NALF1: variants seen among roughly 807,000 people sequenced by gnomAD.
NALF1 encodes the protein NALCN channel auxiliary factor 1, also known as family with sequence similarity 155 member A.
Under a neutral mutation model 48.4 loss-of-function variants are expected in NALF1, and 3 were observed. The observed-to-expected ratio is 0.06, with a 90% CI of 0.03 to 0.16. NALF1 has a LOEUF of 0.16. NALF1 is among the 10% of genes least tolerant of loss of function. The pLI is 1.00. For missense variants in NALF1, 526 were observed against 571.5 expected (o/e 0.92, Z 0.81); for synonymous variants, 262 against 245.7 (o/e 1.07, Z -0.62).
At position 107,792,953 on chromosome 13, in the gene NALF1, G is replaced by A. The variant is rs145333372; in HGVS notation, c.915+72729C>T. On this transcript the variant is annotated intron_variant, in intron 1 of 2. Transcript: ENST00000375915. ...CTCCCAAAGCACTAGGATTACAGGC[G>A]TGAACCACTGAGCCTGGCCTCTTTT... Among the ~76,000 whole-genome samples the A allele has an allele frequency of 5.5e-3, 841 of 152,246 alleles. 8 individuals are homozygous for A. Among genetic ancestry groups the A allele is most frequent in the African/African-American group, 0.019 (795 of 41,546 alleles).
intron 1 of NALF1, among the ~76,000 whole-genome samples, chr13:107,472,925 G>A (rs1367847427): frequency 6.6e-6 from 1 of 152,062 alleles, no homozygotes; most frequent in African/African-American, 2.4e-5. Context: ...GACTAATACT[G>A]GGGAGAAACA....
intron 1 of NALF1, among the ~76,000 whole-genome samples, chr13:107,328,424 T>C (rs1882407421): frequency 6.6e-6 from 1 of 152,222 alleles, no homozygotes; most frequent in Admixed American, 6.5e-5. Context: ...TCTTGTACTT[T>C]GTTCAAATTA....
At chr13:107,611,733 GA>G (rs537161679) in intron 1 of NALF1, among the ~76,000 whole-genome samples, 1 of 150,578 alleles carries the variant, frequency 6.6e-6, no homozygotes, top group African/African-American at 2.4e-5. Flanking sequence ...GTAAAAAGAA[GA>G]AAAAAAAGCA....
chr13:107,458,738 G>A (rs916479946), intron 1 of NALF1, among the ~76,000 whole-genome samples: 5 of 152,138 alleles, frequency 3.3e-5, no homozygotes, highest in African/African-American at 7.2e-5. Context: ...GCAGAAACAT[G>A]TATATGGAGA....
At chr13:107,843,282 G>GT (rs1334314163) in intron 1 of NALF1, among the ~76,000 whole-genome samples, 2 of 152,294 alleles carry the variant, frequency 1.3e-5, no homozygotes, top group East Asian at 3.9e-4. Flanking sequence ...AAGCAACTGA[G>GT]TATCAGAAAA....
chr13:107,612,582 A>G (rs1240986539), intron 1 of NALF1, among the ~76,000 whole-genome samples: 3 of 152,132 alleles, frequency 2.0e-5, no homozygotes, highest in Non-Finnish European at 4.4e-5. Flanking sequence ...CGATCAGTTG[A>G]AGATCTCAAT....
chr13:107,590,251 AATTTT>A (rs1242478742), intron 1 of NALF1, among the ~76,000 whole-genome samples: 1 of 152,012 alleles, frequency 6.6e-6, no homozygotes, highest in Non-Finnish European at 1.5e-5. Flanking sequence ...GCAAAATATT[AATTTT>A]ATTTCTATAA....
At chr13:107,430,002 C>T (rs9587389) in intron 1 of NALF1, among the ~76,000 whole-genome samples, 32,332 of 152,164 alleles carry the variant, frequency 0.21, 3,911 homozygotes, top group Middle Eastern at 0.27. Flanking sequence ...CTTTCCTATA[C>T]AAGAGCTGAT....
intron 1 of NALF1, among the ~76,000 whole-genome samples, chr13:107,488,573 TC>T (rs1405167526): frequency 1.3e-5 from 2 of 152,074 alleles, no homozygotes; most frequent in Non-Finnish European, 2.9e-5. Context: ...ATATTCAACA[TC>T]CCTTTATGTT....
chr13:107,337,464 C>G (rs1882582367), intron 1 of NALF1, among the ~76,000 whole-genome samples: 1 of 152,018 alleles, frequency 6.6e-6, no homozygotes, highest in African/African-American at 2.4e-5. Flanking sequence ...TATTTTGGGG[C>G]TCCTTATTGA....
chr13:107,780,851 C>G (rs1323638719), intron 1 of NALF1, among the ~76,000 whole-genome samples: 2 of 152,192 alleles, frequency 1.3e-5, no homozygotes, highest in Non-Finnish European at 2.9e-5. Context: ...GGGCCCCCAA[C>G]TGACTTCATA....
chr13:107,393,534 G>A (rs899404108), intron 1 of NALF1, among the ~76,000 whole-genome samples: 8 of 152,132 alleles, frequency 5.3e-5, no homozygotes, highest in African/African-American at 1.7e-4. Context: ...ATTTCCTCAT[G>A]GGGAAGGAGA....
At chr13:107,586,724 C>T (rs909423954) in intron 1 of NALF1, among the ~76,000 whole-genome samples, 13 of 135,376 alleles carry the variant, frequency 9.6e-5, no homozygotes, top group African/African-American at 3.4e-4. Flanking sequence ...TAAGGGACTA[C>T]CAGATCTCCA....
At chr13:107,325,888 A>ATATG (rs1566485854) in intron 1 of NALF1, among the ~76,000 whole-genome samples, 3 of 39,196 alleles carry the variant, frequency 7.7e-5, no homozygotes, top group African/African-American at 1.7e-4. Flanking sequence ...ATATATATAT[A>ATATG]CACACACACA....
At chr13:107,588,394 G>C (rs1411793511) in intron 1 of NALF1, among the ~76,000 whole-genome samples, 2 of 152,116 alleles carry the variant, frequency 1.3e-5, no homozygotes, top group African/African-American at 4.8e-5. Flanking sequence ...TGGATATCTA[G>C]AGGCCCTAAA....
intron 1 of NALF1, among the ~76,000 whole-genome samples, chr13:107,794,714 C>G (rs1465944692): frequency 6.6e-6 from 1 of 150,446 alleles, no homozygotes; most frequent in African/African-American, 2.4e-5. Flanking sequence ...AACTCTATTA[C>G]AGGATCATTG....
chr13:107,689,942 T>C (rs1208627075), intron 1 of NALF1, among the ~76,000 whole-genome samples: 1 of 152,228 alleles, frequency 6.6e-6, no homozygotes, highest in Non-Finnish European at 1.5e-5. Flanking sequence ...ACCTTTTTTA[T>C]GTAATTACCA....
In NALF1 at chr13:107,865,886, C is replaced by T. The variant is rs1486062572; in HGVS notation, c.711G>A (p.Gly237=). ...AGTTCAAAGTGTTGGGACTGGACAA[C>T]CCCGAGAACAACTCCCAAAGTGTGT... ...NSYTLWELFS[G]LSSPNTLNCS... The change falls in exon 1 of 3, where the codon GGG becomes GGA. Residue 237 remains glycine, a synonymous_variant. Transcript: ENST00000375915. 2 of 1,614,108 alleles carry T rather than the reference C, an allele frequency of 1.2e-6. No individual in the cohort carries two copies. Among genetic ancestry groups the T allele is most frequent in the Non-Finnish European group, 1.7e-6 (2 of 1,180,036 alleles).
chr13:107,280,444 A>G (rs1881364814), intron 1 of NALF1, among the ~76,000 whole-genome samples: 1 of 152,210 alleles, frequency 6.6e-6, no homozygotes, highest in Non-Finnish European at 1.5e-5. Context: ...TGTGATAATC[A>G]GGTTTTCATC....
Sources: gnomAD v4.1 joint callset for allele counts (sites outside exome capture counted in the v4.1 genomes callset) on GRCh38, gnomAD v4.1.1 for gene constraint, MANE v1.5 for transcripts, NCBI Gene and HGNC (gene_info 2026-07-23, HGNC 2026-07-21) for gene names.